Variants in TMEM132B observed in about 807,000 individuals in gnomAD.
TMEM132B encodes the protein transmembrane protein 132B.
Under a neutral mutation model 90.8 loss-of-function variants are expected in TMEM132B, and 18 were observed. That is an observed-to-expected ratio of 0.20 (90% CI 0.14 to 0.29). The LOEUF is 0.29. Among genes scored for constraint, TMEM132B ranks in the 10% least tolerant of loss-of-function variants. TMEM132B has a pLI of 1.00. For missense variants in TMEM132B, 1,096 were observed against 1,326.8 expected, an observed-to-expected ratio of 0.83 and a Z score of 2.70; for synonymous variants, 504 against 523.3, an observed-to-expected ratio of 0.96 and a Z score of 0.50.
rs558577683 is a variant in TMEM132B at position 125,460,364 on chromosome 12, C to T, written c.1106+44687C>T. ...AGAATTAGCTGGGCATGGTGGTGGGCGCCTGTAATCTCAGCTACTCAGGAG... is the reference window on the plus strand; with the variant it reads ...AGAATTAGCTGGGCATGGTGGTGGGTGCCTGTAATCTCAGCTACTCAGGAG... On this transcript the variant is annotated intron_variant, in intron 3 of 8. Transcript: ENST00000682704. This position sits in a 1 kb window ranked among gnomAD's most constrained non-coding sequence, Gnocchi z 4.4. 1.3e-5 allele frequency among the ~76,000 whole-genome samples: 2 copies of T among 152,078 alleles called. No individual in the cohort carries two copies. Among genetic ancestry groups the T allele is most frequent in the South Asian group, 2.1e-4 (1 of 4,794 alleles).
intron 5 of TMEM132B, among the ~76,000 whole-genome samples, chr12:125,623,308 A>C (rs1340492853): frequency 6.6e-6 from 1 of 152,186 alleles, no homozygotes; most frequent in Non-Finnish European, 1.5e-5. Context: ...ATCAAATCAT[A>C]ATCTTGGGCC....
At chr12:125,312,767 T>G (rs1876152909) in intron 1 of TMEM132B, among the ~76,000 whole-genome samples, 1 of 152,232 alleles carries the variant, frequency 6.6e-6, no homozygotes, top group Admixed American at 6.5e-5. Flanking sequence ...AATTCAGAGT[T>G]GGCACAGTGG....
At chr12:125,639,458 G>T (rs1886572693) in intron 5 of TMEM132B, among the ~76,000 whole-genome samples, 1 of 152,224 alleles carries the variant, frequency 6.6e-6, no homozygotes, top group African/African-American at 2.4e-5. Context: ...CACACACTCA[G>T]CATCTATTTA....
intron 1 of TMEM132B, among the ~76,000 whole-genome samples, chr12:125,286,923 G>A (rs1453219040): frequency 2.0e-5 from 3 of 151,836 alleles, no homozygotes; most frequent in African/African-American, 4.8e-5. Flanking sequence ...GACTGGACTC[G>A]CACTCCTGAC....
At chr12:125,566,405 G>A (rs1393125037) in intron 4 of TMEM132B, among the ~76,000 whole-genome samples, 2 of 152,156 alleles carry the variant, frequency 1.3e-5, no homozygotes, top group Non-Finnish European at 2.9e-5. Flanking sequence ...AAATACGTAA[G>A]ACATAAATAG....
At position 125,472,764 on chromosome 12, in the gene TMEM132B, C is replaced by T. The variant is rs527349213; in HGVS notation, c.1107-46675C>T. On this transcript the variant is annotated intron_variant, in intron 3 of 8. Transcript: ENST00000682704. The stretch of plus-strand genomic sequence containing the variant: ...CTGAGAAGGCACCACCTGTGAGGAA[C>T]GGGCCCTCTGGAGACACCAAGTCTA... Among the ~76,000 whole-genome samples the T allele has an allele frequency of 1.9e-4, 29 of 152,222 alleles. No individual in the cohort carries two copies. The South Asian group carries it at 4.8e-3, about 25-fold the overall frequency.
At chr12:125,566,671 C>T (rs1444845836) in intron 4 of TMEM132B, among the ~76,000 whole-genome samples, 1 of 151,956 alleles carries the variant, frequency 6.6e-6, no homozygotes, top group East Asian at 1.9e-4. Flanking sequence ...CCAGATGCCA[C>T]AGTTGATAGG....
chr12:125,476,744 A>T (rs1881892830), intron 3 of TMEM132B, among the ~76,000 whole-genome samples: 1 of 152,160 alleles, frequency 6.6e-6, no homozygotes, highest in Non-Finnish European at 1.5e-5. Flanking sequence ...AGGAGCTGCC[A>T]AACTGTTTCC....
intron 5 of TMEM132B, among the ~76,000 whole-genome samples, chr12:125,594,427 T>C (rs1885391584): frequency 6.6e-6 from 1 of 152,190 alleles, no homozygotes; most frequent in South Asian, 2.1e-4. Context: ...TCATATTAAG[T>C]GTATTTTTAA....
intron 1 of TMEM132B, among the ~76,000 whole-genome samples, chr12:125,237,757 G>C (rs766080269): frequency 1.3e-5 from 2 of 152,200 alleles, no homozygotes; most frequent in Non-Finnish European, 2.9e-5. Flanking sequence ...CCACGTTGGC[G>C]TACTTAAAGT....
rs1380231295 is a variant in TMEM132B at position 125,406,230 on chromosome 12, C to T, written c.960-9301C>T. Among the ~76,000 whole-genome samples the T allele has an allele frequency of 6.6e-6, 1 of 152,190 alleles. No homozygotes were observed. Among genetic ancestry groups the T allele is most frequent in the East Asian group, 1.9e-4 (1 of 5,188 alleles). Reference sequence around the variant, plus strand: ...TGGCTAAAGCAGAATGCAAAACTTCCCTTCCCTGGTCATACCCACACAATT... The same window carrying T: ...TGGCTAAAGCAGAATGCAAAACTTCTCTTCCCTGGTCATACCCACACAATT... On this transcript the variant is annotated intron_variant, in intron 2 of 8. Coordinates refer to ENST00000682704, the MANE Select transcript of TMEM132B (RefSeq NM_001366854.1). The surrounding 1 kb of genome is among the most constrained non-coding windows in gnomAD (Gnocchi z 8.3).
At chr12:125,260,770 C>T (rs1044793432) in intron 1 of TMEM132B, among the ~76,000 whole-genome samples, 9 of 152,154 alleles carry the variant, frequency 5.9e-5, no homozygotes, top group African/African-American at 1.9e-4. Context: ...TAAATAAAGG[C>T]TGGGCATAGT....
intron 1 of TMEM132B, among the ~76,000 whole-genome samples, chr12:125,315,827 C>T (rs887981826): frequency 3.3e-5 from 5 of 152,180 alleles, no homozygotes; most frequent in East Asian, 1.9e-4. Flanking sequence ...GTAATGCACA[C>T]CAGCAGTTTG....
intron 3 of TMEM132B, among the ~76,000 whole-genome samples, chr12:125,505,961 A>G (rs371610100): frequency 6.6e-6 from 1 of 152,256 alleles, no homozygotes; most frequent in East Asian, 1.9e-4. Flanking sequence ...AAATTTCCCA[A>G]TTTTGCGAAA....
At chr12:125,543,908 C>T (rs1033174563) in intron 4 of TMEM132B, among the ~76,000 whole-genome samples, 20 of 151,282 alleles carry the variant, frequency 1.3e-4, no homozygotes, top group African/African-American at 4.6e-4. Flanking sequence ...CTTATGTTCA[C>T]TGCAGCACTA....
chr12:125,447,745 C>A (rs1881043615), intron 3 of TMEM132B, among the ~76,000 whole-genome samples: 1 of 152,018 alleles, frequency 6.6e-6, no homozygotes, highest in African/African-American at 2.4e-5. Context: ...CATTTTTATT[C>A]TGGAATAATA....
At chr12:125,564,197 C>T (rs1033722536) in intron 4 of TMEM132B, among the ~76,000 whole-genome samples, 8 of 152,182 alleles carry the variant, frequency 5.3e-5, no homozygotes, top group African/African-American at 1.9e-4. Context: ...GCGAGGGCAA[C>T]ACAGCGGTTA....
At chr12:125,293,821 C>G (rs942302900) in intron 1 of TMEM132B, among the ~76,000 whole-genome samples, 1 of 152,122 alleles carries the variant, frequency 6.6e-6, no homozygotes, top group Admixed American at 6.5e-5. Context: ...GGTCTATGTC[C>G]CCTCCCCCTG....
chr12:125,542,528 C>T (rs191638320), intron 4 of TMEM132B, among the ~76,000 whole-genome samples: 1 of 152,330 alleles, frequency 6.6e-6, no homozygotes, highest in African/African-American at 2.4e-5. Context: ...CCCAGGCACC[C>T]ACCATGGTGC....
Sources: allele counts gnomAD v4.1 joint callset (sites outside exome capture counted in the v4.1 genomes callset), GRCh38; gene constraint gnomAD v4.1.1; non-coding constraint Gnocchi (gnomAD v3.1); transcripts MANE v1.5; gene names NCBI Gene and HGNC (gene_info 2026-07-23, HGNC 2026-07-21).